Variants in MARCHF11 observed in about 807,000 individuals in gnomAD.
MARCHF11 encodes membrane associated ring-CH-type finger 11, also known as E3 ubiquitin-protein ligase MARCHF11.
MARCHF11 carries 29 observed loss-of-function variants against 37.3 expected under a neutral mutation model. That is an observed-to-expected ratio of 0.78 (90% CI 0.58 to 1.06). The LOEUF is 1.06. Ranked by LOEUF, MARCHF11 falls within the 50% of genes least tolerant of loss-of-function variation. The pLI, the probability that MARCHF11 is intolerant of heterozygous loss-of-function variation, is 0.00. For missense variants in MARCHF11, 482 were observed against 533.4 expected, an observed-to-expected ratio of 0.90 and a Z score of 0.95; for synonymous variants, 233 against 228.0, an observed-to-expected ratio of 1.02 and a Z score of -0.20.
intron 2 of MARCHF11, among the ~76,000 whole-genome samples, chr5:16,116,091 C>A (rs1192147003): frequency 6.6e-6 from 1 of 152,118 alleles, no homozygotes; most frequent in Non-Finnish European, 1.5e-5. Context: ...TTATTTATGA[C>A]CACCAGAAGA....
intron 2 of MARCHF11, among the ~76,000 whole-genome samples, chr5:16,138,518 A>T (rs1327396852): frequency 6.6e-6 from 1 of 152,196 alleles, no homozygotes; most frequent in Non-Finnish European, 1.5e-5. Flanking sequence ...GAAGGGAAAT[A>T]TGGGGTCAGA....
chr5:16,133,230 C>T (rs1292554625), intron 2 of MARCHF11, among the ~76,000 whole-genome samples: 3 of 152,078 alleles, frequency 2.0e-5, no homozygotes, highest in Non-Finnish European at 4.4e-5. Context: ...TGGTGTTCAT[C>T]TCTGATTTGT....
chr5:16,070,886 T>G (rs1736424751), intron 3 of MARCHF11, among the ~76,000 whole-genome samples: 1 of 152,196 alleles, frequency 6.6e-6, no homozygotes, highest in Non-Finnish European at 1.5e-5. Context: ...CAAGCTCAGA[T>G]TTTACTGAAA....
intron 2 of MARCHF11, among the ~76,000 whole-genome samples, chr5:16,130,745 CA>C (rs1162306029): frequency 1.3e-5 from 2 of 152,162 alleles, no homozygotes; most frequent in East Asian, 1.9e-4. Flanking sequence ...AGACAAATGC[CA>C]TCACAGGTTA....
intron 2 of MARCHF11, among the ~76,000 whole-genome samples, chr5:16,132,378 C>CT (rs1332330249): frequency 6.6e-6 from 1 of 152,146 alleles, no homozygotes; most frequent in Non-Finnish European, 1.5e-5. Flanking sequence ...GGGTTCCACT[C>CT]TTTTTGGTCT....
chr5:16,067,425 T>G lies in MARCHF11; in HGVS notation c.*46A>C. Reference sequence around the variant, plus strand: ...GTTTTGCCATTCACTGCAATTACATTGCAAAATGTGCAGGGTGGTCCACAC... The same window carrying G: ...GTTTTGCCATTCACTGCAATTACATGGCAAAATGTGCAGGGTGGTCCACAC... On this transcript the variant is annotated 3_prime_UTR_variant, in exon 4 of 4. Coordinates refer to ENST00000332432, the MANE Select transcript of MARCHF11 (RefSeq NM_001102562.3). The G allele has an allele frequency of 7.1e-6, 11 of 1,551,964 alleles. No individual in the cohort carries two copies. The highest frequency in any genetic ancestry group is 9.7e-6 in the Non-Finnish European group (11 of 1,137,264).
intron 3 of MARCHF11, among the ~76,000 whole-genome samples, chr5:16,080,601 T>C (rs796367632): frequency 3.3e-5 from 5 of 152,272 alleles, no homozygotes; most frequent in African/African-American, 1.2e-4. Flanking sequence ...TAGCCAGTGT[T>C]TTAGCAACTG....
chr5:16,121,635 C>T (rs1369743937), intron 2 of MARCHF11, among the ~76,000 whole-genome samples: 1 of 152,136 alleles, frequency 6.6e-6, no homozygotes, highest in Admixed American at 6.5e-5. Flanking sequence ...TCAAGTTCTT[C>T]TAATTACAGA....
intron 3 of MARCHF11, among the ~76,000 whole-genome samples, chr5:16,076,249 C>T (rs748474199): frequency 4.6e-5 from 7 of 152,072 alleles, no homozygotes; most frequent in African/African-American, 7.2e-5. Context: ...TTCTCAAAAG[C>T]TGTGAAGGTT....
intron 3 of MARCHF11, among the ~76,000 whole-genome samples, chr5:16,076,431 T>C (rs1463161473): frequency 6.6e-6 from 1 of 152,198 alleles, no homozygotes; most frequent in East Asian, 1.9e-4. Context: ...ACAAGTCCAA[T>C]ACTTTTATAG....
At chr5:16,068,492 G>A (rs928902226) in intron 3 of MARCHF11, among the ~76,000 whole-genome samples, 1 of 152,214 alleles carries the variant, frequency 6.6e-6, no homozygotes, top group Non-Finnish European at 1.5e-5. Flanking sequence ...AGTAGCGGTG[G>A]AGAGCAGGGA....
At chr5:16,068,661 T>C (rs1200491045) in intron 3 of MARCHF11, among the ~76,000 whole-genome samples, 1 of 152,212 alleles carries the variant, frequency 6.6e-6, no homozygotes, top group Non-Finnish European at 1.5e-5. Flanking sequence ...ACATGTGTCA[T>C]CTCCACTATC....
rs923778165 is a variant in MARCHF11, at chr5:16,160,325, TAATAATTTAATATATTAATTATATATTA to T, written c.693+17373_693+17400del. 3.2e-4 allele frequency among the ~76,000 whole-genome samples: 6 copies of T among 18,684 alleles called. No individual in the cohort carries two copies. The Admixed American group carries it at 3.5e-3, about 11-fold the overall frequency. The allele number at this position is 18,684 out of a possible 152,430, so 12.3% of individuals were successfully genotyped here. On this transcript the variant is annotated intron_variant, in intron 2 of 3. Coordinates refer to ENST00000332432, the MANE Select transcript of MARCHF11 (RefSeq NM_001102562.3). ...ATATTTAATATTTAATATAAACATT[TAATAATTTAATATATTAATTATATATTA>T]AATATTTAATATATAAATATTAAAT...
intron 2 of MARCHF11, among the ~76,000 whole-genome samples, chr5:16,110,370 G>A (rs991780882): frequency 2.0e-5 from 3 of 152,098 alleles, no homozygotes; most frequent in African/African-American, 7.2e-5. Flanking sequence ...ATTAAAAGGA[G>A]ACCGGATACA....
At chr5:16,177,936 A>G in intron 1 of MARCHF11, 55 bp from the exon 2 acceptor site, 1 of 1,493,316 alleles carries the variant, frequency 6.7e-7, no homozygotes, top group Non-Finnish European at 9.0e-7. Flanking sequence ...TATTTTAAAA[A>G]CCTAATGCTT....
At chr5:16,135,889 A>G (rs1737605503) in intron 2 of MARCHF11, among the ~76,000 whole-genome samples, 1 of 151,416 alleles carries the variant, frequency 6.6e-6, no homozygotes, top group Admixed American at 6.6e-5. Context: ...TTAAAAAAAA[A>G]AAAAAAAAAG....
chr5:16,100,245 C>T (rs1224071450), intron 2 of MARCHF11, among the ~76,000 whole-genome samples: 3 of 152,128 alleles, frequency 2.0e-5, no homozygotes, highest in African/African-American at 7.2e-5. Flanking sequence ...GAGATTCTTC[C>T]CCACCTTCCT....
intron 2 of MARCHF11, among the ~76,000 whole-genome samples, chr5:16,114,835 T>G (rs1737203808): frequency 6.6e-6 from 1 of 152,042 alleles, no homozygotes; most frequent in African/African-American, 2.4e-5. Flanking sequence ...ACCATAATTA[T>G]TAATATAGAA....
chr5:16,154,371 C>A (rs1010838941), intron 2 of MARCHF11, among the ~76,000 whole-genome samples: 7 of 151,978 alleles, frequency 4.6e-5, no homozygotes, highest in African/African-American at 1.7e-4. Flanking sequence ...CATAAATTAT[C>A]CAGTTATTTG....
Sources: gnomAD v4.1 joint callset for allele counts (sites outside exome capture counted in the v4.1 genomes callset) on GRCh38, gnomAD v4.1.1 for gene constraint, MANE v1.5 for transcripts, NCBI Gene and HGNC (gene_info 2026-07-23, HGNC 2026-07-21) for gene names.